The following PHACTR2 variants were observed in gnomAD, a reference collection of about 807,000 sequenced individuals.
The protein encoded by PHACTR2 is chromosome 6 open reading frame 56.
A neutral mutation model predicts 76.0 loss-of-function variants in PHACTR2; 30 were observed. That is an observed-to-expected ratio of 0.39 (90% CI 0.30 to 0.54). The LOEUF is 0.54. Among genes scored for constraint, PHACTR2 ranks in the 20% least tolerant of loss-of-function variants. The probability of loss-of-function intolerance (pLI) is 0.61; values close to 1 mark genes in which losing one functional copy is unlikely to be tolerated. For missense variants in PHACTR2, 696 were observed against 781.1 expected (o/e 0.89, Z 1.30); for synonymous variants, 292 against 292.5 (o/e 1.00, Z 0.02).
Position 143,653,545 on chromosome 6 carries a change from G to T in PHACTR2, c.13+45223G>T, listed in dbSNP as rs1023826370. Among the ~76,000 whole-genome samples the T allele has an allele frequency of 2.0e-5, 3 of 151,922 alleles. No individual in the cohort carries two copies. Among genetic ancestry groups the T allele is most frequent in the African/African-American group, 7.3e-5 (3 of 41,320 alleles). On this transcript the variant is annotated intron_variant, in intron 1 of 11. Transcript: ENST00000305766. This position sits in a 1 kb window ranked among gnomAD's most constrained non-coding sequence, Gnocchi z 4.9. Reference sequence around the variant, plus strand: ...TATATGGAATAAATGGAATAGAATTGAGTCCAGAAATAAACTCTCACATTT... The same window carrying T: ...TATATGGAATAAATGGAATAGAATTTAGTCCAGAAATAAACTCTCACATTT...
In PHACTR2 at chr6:143,537,217, G is replaced by C. The variant is rs1210217260; in HGVS notation, c.217+10G>C. 8.4e-6 allele frequency: 2 copies of C among 238,898 alleles called. No individual in the cohort carries two copies. Among genetic ancestry groups the C allele is most frequent in the South Asian group, 6.6e-5 (1 of 15,038 alleles). The allele number at this position is 238,898 out of a possible 1,614,324, so 14.8% of individuals were successfully genotyped here. A position where few individuals can be genotyped will look rare whatever the true frequency, so the allele number is the denominator to read the frequency against. On this transcript the variant is annotated intron_variant, in intron 1 of 11. Coordinates refer to the PHACTR2 transcript ENST00000367584. This position sits in a 1 kb window ranked among gnomAD's most constrained non-coding sequence, Gnocchi z 4.4. Reference sequence around the variant, plus strand: ...CACATCTCCGGCTCAGGTAAGAGCGGCTCGGGGCGCGGGCCGGGGAGGGCC... The same window carrying C: ...CACATCTCCGGCTCAGGTAAGAGCGCCTCGGGGCGCGGGCCGGGGAGGGCC...
intron 12 of PHACTR2, among the ~76,000 whole-genome samples, chr6:143,815,203 G>C (rs184497635): frequency 3.1e-4 from 47 of 152,296 alleles, no homozygotes; most frequent in Admixed American, 3.1e-3. Flanking sequence ...AGAGTTGAAA[G>C]CAAGGCTCAG....
chr6:143,769,120 C>G (rs1467386771), intron 6 of PHACTR2, among the ~76,000 whole-genome samples: 1 of 152,124 alleles, frequency 6.6e-6, no homozygotes, highest in Non-Finnish European at 1.5e-5. Context: ...TCAAAACTTT[C>G]AAGAAGACAA....
intron 11 of PHACTR2, among the ~76,000 whole-genome samples, chr6:143,798,121 G>A (rs1423065049): frequency 6.6e-6 from 1 of 152,146 alleles, no homozygotes; most frequent in Non-Finnish European, 1.5e-5. Context: ...CATATCCCTT[G>A]TAAGTTGTGT....
At chr6:143,640,261 A>G (rs528608873) in intron 1 of PHACTR2, among the ~76,000 whole-genome samples, 2 of 152,364 alleles carry the variant, frequency 1.3e-5, no homozygotes, top group South Asian at 4.1e-4. Context: ...TCACCATTTT[A>G]GAGTGTACTG....
chr6:143,539,462 C>A lies in PHACTR2; in HGVS notation c.217+2255C>A, dbSNP rs1466533. ...ACTGACACACAGAGTATTTCTCCAGCATGCCCCACAGCCTCTGCAGCCTCT... is the reference window on the plus strand; with the variant it reads ...ACTGACACACAGAGTATTTCTCCAGAATGCCCCACAGCCTCTGCAGCCTCT... On this transcript the variant is annotated intron_variant, in intron 1 of 11. Transcript: ENST00000367584. The surrounding 1 kb of genome is among the most constrained non-coding windows in gnomAD (Gnocchi z 4.3). Among the ~76,000 whole-genome samples the A allele has an allele frequency of 0.2, 30,646 of 152,152 alleles. 3,860 individuals are homozygous for A. Among genetic ancestry groups the A allele is most frequent in the South Asian group, 0.39 (1,900 of 4,834 alleles).
rs1212638543 is a variant in PHACTR2, at chr6:143,738,688, G to A, written c.215-10297G>A. Among the ~76,000 whole-genome samples, 7 of 151,076 alleles carry A rather than the reference G, an allele frequency of 4.6e-5. No homozygotes were observed. Among genetic ancestry groups the A allele is most frequent in the African/African-American group, 7.3e-5 (3 of 41,080 alleles). On this transcript the variant is annotated intron_variant, in intron 2 of 12. Coordinates refer to ENST00000440869, the MANE Select transcript of PHACTR2 (RefSeq NM_001100164.2). The surrounding 1 kb of genome is among the most constrained non-coding windows in gnomAD (Gnocchi z 4.0). Reference sequence around the variant, plus strand: ...AGAGGATGGCTTGAGCCCGGGAGGCGGAGGCTGCAGTGAGCCAAGATCGTG... The same window carrying A: ...AGAGGATGGCTTGAGCCCGGGAGGCAGAGGCTGCAGTGAGCCAAGATCGTG...
intron 6 of PHACTR2, among the ~76,000 whole-genome samples, chr6:143,771,184 ATATATG>A (rs1336926081): frequency 2.2e-4 from 9 of 40,896 alleles, no homozygotes; most frequent in South Asian, 1.1e-3. Flanking sequence ...GTATATATAT[ATATATG>A]TGTGTATATA....
At chr6:143,769,016 T>G (rs1203545131) in intron 6 of PHACTR2, among the ~76,000 whole-genome samples, 1 of 152,242 alleles carries the variant, frequency 6.6e-6, no homozygotes. Context: ...AGTCACTTTC[T>G]TTACTTAGAA....
In PHACTR2 at chr6:143,789,091, C is replaced by A; in HGVS notation, c.1845+181C>A. On this transcript the variant is annotated intron_variant, in intron 11 of 12. Transcript: ENST00000440869. This position sits in a 1 kb window ranked among gnomAD's most constrained non-coding sequence, Gnocchi z 5.1. ...TTTAGTGATATCAATGTAGTTCTTT[C>A]AACTAAGTCTCAGAGAAAAGTAGTT... 2.1e-6 allele frequency: 1 copy of A among 485,498 alleles called. No individual in the cohort carries two copies. Among genetic ancestry groups the A allele is most frequent in the Non-Finnish European group, 3.7e-6 (1 of 273,238 alleles). 30.1% of individuals were successfully genotyped at this position (485,498 alleles called of 1,614,324 possible).
chr6:143,612,393 A>T (rs1169099143), intron 1 of PHACTR2, among the ~76,000 whole-genome samples: 3 of 152,332 alleles, frequency 2.0e-5, no homozygotes, highest in Non-Finnish European at 4.4e-5. Context: ...AAAGATGGTG[A>T]CTCAGGAGAA....
rs1327079282 is a variant in PHACTR2, at chr6:143,558,139, T to C, written c.217+20932T>C. On this transcript the variant is annotated intron_variant, in intron 1 of 11. Transcript: ENST00000367584. This position sits in a 1 kb window ranked among gnomAD's most constrained non-coding sequence, Gnocchi z 4.7. ...TTGCCCTGGATCCAGCGCCTATAGA[T>C]GGAAAGAGATTTATAAGAAACACTG... is the stretch of plus-strand genomic sequence containing the variant. 2 of 152,070 alleles carry C rather than the reference T, an allele frequency of 1.3e-5. No homozygotes were observed. The highest frequency in any genetic ancestry group is 1.9e-4 in the East Asian group (1 of 5,172). 9.4% of individuals were successfully genotyped at this position (152,070 alleles called of 1,614,324 possible).
chr6:143,757,773 T>C lies in PHACTR2; in HGVS notation c.455-2628T>C, dbSNP rs768558862. Among the ~76,000 whole-genome samples, 1 of 152,368 alleles carries C rather than the reference T, an allele frequency of 6.6e-6. No individual in the cohort carries two copies. On this transcript the variant is annotated intron_variant, in intron 4 of 12. Transcript: ENST00000440869. The surrounding 1 kb of genome is among the most constrained non-coding windows in gnomAD (Gnocchi z 4.2). ...TACCTCCCAGCTCCAACTAAAGCTC[T>C]GTTTTCTACTGATGTGTGTGTCAAT... is the stretch of plus-strand genomic sequence containing the variant.
chr6:143,590,482 T>A (rs1162292572), intron 1 of PHACTR2, among the ~76,000 whole-genome samples: 1 of 151,872 alleles, frequency 6.6e-6, no homozygotes, highest in African/African-American at 2.4e-5. Flanking sequence ...GCATTTCACC[T>A]CCTCCATGCT....
At chr6:143,572,272 G>T (rs902656454) in intron 1 of PHACTR2, among the ~76,000 whole-genome samples, 1 of 152,044 alleles carries the variant, frequency 6.6e-6, no homozygotes, top group Non-Finnish European at 1.5e-5. Flanking sequence ...TTCCCTCTTT[G>T]CTGAATTTTT....
At chr6:143,559,103 C>T (rs1291386161) in intron 1 of PHACTR2, among the ~76,000 whole-genome samples, 1 of 152,130 alleles carries the variant, frequency 6.6e-6, no homozygotes, top group Non-Finnish European at 1.5e-5. Flanking sequence ...CTTCAATGGT[C>T]GTGAAGATTT....
intron 1 of PHACTR2, among the ~76,000 whole-genome samples, chr6:143,632,026 C>T (rs1038138498): frequency 2.6e-5 from 4 of 152,138 alleles, no homozygotes; most frequent in Admixed American, 2.6e-4. Flanking sequence ...TGGATCAGCC[C>T]TTGGAACAGG....
chr6:143,748,825 G>C, intron 2 of PHACTR2, 160 bp from the exon 3 acceptor site: 1 of 524,298 alleles, frequency 1.9e-6, no homozygotes, highest in Non-Finnish European at 3.3e-6. Context: ...TCATAGCTGT[G>C]TTGATTCCAC....
In PHACTR2 at chr6:143,585,522, C is replaced by G. The variant is rs1226516742; in HGVS notation, c.217+48315C>G. 6.6e-6 allele frequency among the ~76,000 whole-genome samples: 1 copy of G among 152,126 alleles called. No individual in the cohort carries two copies. The highest frequency in any genetic ancestry group is 1.5e-5 in the Non-Finnish European group (1 of 68,036). On this transcript the variant is annotated intron_variant, in intron 1 of 11. Transcript: ENST00000367584. This position sits in a 1 kb window ranked among gnomAD's most constrained non-coding sequence, Gnocchi z 5.2. Reference sequence around the variant, plus strand: ...GATTCAGAAACAAGAGCTGCCAGTGCCGCATACCAAGCAGGAGGCCATACT... The same window carrying G: ...GATTCAGAAACAAGAGCTGCCAGTGGCGCATACCAAGCAGGAGGCCATACT...
Sources: allele counts gnomAD v4.1 joint callset (sites outside exome capture counted in the v4.1 genomes callset), GRCh38; gene constraint gnomAD v4.1.1; non-coding constraint Gnocchi (gnomAD v3.1); transcripts MANE v1.5; gene names NCBI Gene and HGNC (gene_info 2026-07-23, HGNC 2026-07-21).